The following IRAK3 variants were observed in gnomAD, a reference collection of about 807,000 sequenced individuals.
The protein encoded by IRAK3 is interleukin 1 receptor associated kinase 3.
IRAK3 carries 57 observed loss-of-function variants against 56.6 expected under a neutral mutation model. The observed-to-expected ratio is 1.01, with a 90% CI of 0.81 to 1.26. IRAK3 has a LOEUF of 1.26. Among genes scored for constraint, IRAK3 ranks in the 50% most tolerant of loss-of-function variants. IRAK3 has a pLI of 0.00. For synonymous variants in IRAK3, 258 were observed against 255.7 expected, an observed-to-expected ratio of 1.01 and a Z score of -0.09; for missense variants, 703 against 719.0, an observed-to-expected ratio of 0.98 and a Z score of 0.25.
rs1397844062 is a variant in IRAK3, at chr12:66,203,898, A to T, written c.316+5A>T. On this transcript the variant is annotated splice_donor_5th_base_variant and intron_variant, in intron 2 of 11. Coordinates refer to ENST00000261233, the MANE Select transcript of IRAK3 (RefSeq NM_007199.3). ...TTCATTTAATTACAAACTATGGTAAATGCTGATTCTTATAATGTGGCTCTT... is the reference window on the plus strand; with the variant it reads ...TTCATTTAATTACAAACTATGGTAATTGCTGATTCTTATAATGTGGCTCTT... 1.2e-6 allele frequency: 2 copies of T among 1,610,492 alleles called. No homozygotes were observed. The highest frequency in any genetic ancestry group is 2.2e-5 in the East Asian group (1 of 44,862).
intron 2 of IRAK3, among the ~76,000 whole-genome samples, chr12:66,205,716 T>C (rs1382368533): frequency 6.6e-6 from 1 of 152,200 alleles, no homozygotes; most frequent in Non-Finnish European, 1.5e-5. Context: ...TCCTTGCAAT[T>C]TTATTCTGTT....
intron 2 of IRAK3, among the ~76,000 whole-genome samples, 195 bp from the exon 3 acceptor site, chr12:66,209,261 G>C (rs1441135512): frequency 6.6e-6 from 1 of 152,006 alleles, no homozygotes; most frequent in Non-Finnish European, 1.5e-5. Flanking sequence ...TATAACATTT[G>C]TTAATTAGAA....
At chr12:66,200,492 A>G (rs1565799051) in intron 1 of IRAK3, among the ~76,000 whole-genome samples, 1 of 152,146 alleles carries the variant, frequency 6.6e-6, no homozygotes, top group African/African-American at 2.4e-5. Context: ...ATCCTCTATG[A>G]TGGGATAGAG....
intron 8 of IRAK3, among the ~76,000 whole-genome samples, chr12:66,237,694 T>C (rs909204677): frequency 2.0e-5 from 3 of 152,188 alleles, no homozygotes; most frequent in Non-Finnish European, 2.9e-5. Context: ...AAGTCAGTGT[T>C]GTCTCATGTT....
At chr12:66,216,186 T>G (rs1457844825) in intron 5 of IRAK3, among the ~76,000 whole-genome samples, 2 of 152,170 alleles carry the variant, frequency 1.3e-5, no homozygotes, top group Non-Finnish European at 2.9e-5. Context: ...ACTGGAAAAC[T>G]ATGGCCTTAG....
At chr12:66,204,029 A>T in intron 2 of IRAK3, 136 bp downstream of exon 2, 1 of 757,830 alleles carries the variant, frequency 1.3e-6, no homozygotes, top group South Asian at 1.6e-5. Context: ...TTTTATCTGG[A>T]AGGGACTTTC....
chr12:66,244,810 T>C, intron 9 of IRAK3, 126 bp downstream of exon 9: 1 of 1,064,800 alleles, frequency 9.4e-7, no homozygotes, highest in Non-Finnish European at 1.4e-6. Context: ...TATATATTAA[T>C]TTTGTGTAAT....
intron 8 of IRAK3, among the ~76,000 whole-genome samples, chr12:66,228,657 G>C (rs2052813479): frequency 7.0e-6 from 1 of 143,760 alleles, no homozygotes; most frequent in African/African-American, 2.5e-5. Flanking sequence ...CCCAATTTAT[G>C]ATGATTCAAC....
chr12:66,207,288 C>T (rs892557094), intron 2 of IRAK3, among the ~76,000 whole-genome samples: 13 of 152,130 alleles, frequency 8.5e-5, no homozygotes, highest in South Asian at 4.1e-4. Flanking sequence ...CTGGGCAAAA[C>T]GGTGAAACCC....
chr12:66,194,815 C>A (rs1172707009), intron 1 of IRAK3, among the ~76,000 whole-genome samples: 1 of 129,360 alleles, frequency 7.7e-6, no homozygotes, highest in Non-Finnish European at 1.6e-5. Context: ...GGCGACAGAG[C>A]GAGACTCCTC....
At chr12:66,219,426 C>A (rs1165986456) in intron 6 of IRAK3, among the ~76,000 whole-genome samples, 1 of 152,172 alleles carries the variant, frequency 6.6e-6, no homozygotes, top group Non-Finnish European at 1.5e-5. Context: ...TTTTGTCTGC[C>A]GCCATGTGAG....
At chr12:66,240,652 A>C (rs1028673148) in intron 8 of IRAK3, among the ~76,000 whole-genome samples, 62 of 151,854 alleles carry the variant, frequency 4.1e-4, no homozygotes, top group Admixed American at 1.7e-3. Context: ...CTGTTGCCTC[A>C]GGCTGTCCCA....
intron 8 of IRAK3, chr12:66,235,239 G>C: frequency 6.2e-7 from 1 of 1,602,154 alleles, no homozygotes; most frequent in Non-Finnish European, 8.5e-7. Flanking sequence ...TAGGGCGTCC[G>C]GCAGTTGCTG....
In IRAK3 at chr12:66,195,704, G is replaced by A. The variant is rs182561681; in HGVS notation, c.133+6272G>A. 4.9e-4 allele frequency among the ~76,000 whole-genome samples: 74 copies of A among 152,202 alleles called. No homozygotes were observed. In the East Asian group the frequency reaches 7.7e-3, roughly 16 times the overall value. ...GACGGAGTTTCGCTTTTGTTGCACAGCCTGGAGTGCAATGGTGCAATCTTG... is the reference window on the plus strand; with the variant it reads ...GACGGAGTTTCGCTTTTGTTGCACAACCTGGAGTGCAATGGTGCAATCTTG... On this transcript the variant is annotated intron_variant, in intron 1 of 11. Transcript: ENST00000261233.
At chr12:66,210,327 A>G in intron 4 of IRAK3, 126 bp downstream of exon 4, 1 of 648,252 alleles carries the variant, frequency 1.5e-6, no homozygotes, top group Non-Finnish European at 2.8e-6. Context: ...ATAAAATTTC[A>G]TAGATATTAA....
intron 11 of IRAK3, among the ~76,000 whole-genome samples, chr12:66,246,476 C>T (rs1028155371): frequency 3.9e-5 from 6 of 152,336 alleles, no homozygotes; most frequent in African/African-American, 1.4e-4. Flanking sequence ...ATAAACAGCA[C>T]TGGCCTTCGA....
rs977507471 is a variant in IRAK3 at position 66,250,016 on chromosome 12, T to C, written c.*1845T>C. 1 of 152,236 alleles carries C rather than the reference T, an allele frequency of 6.6e-6. No homozygotes were observed. Among genetic ancestry groups the C allele is most frequent in the Non-Finnish European group, 1.5e-5 (1 of 68,044 alleles). 9.4% of individuals were successfully genotyped at this position (152,236 alleles called of 1,614,324 possible). On this transcript the variant is annotated 3_prime_UTR_variant, in exon 12 of 12. Coordinates refer to ENST00000261233, the MANE Select transcript of IRAK3 (RefSeq NM_007199.3). Reference sequence around the variant, plus strand: ...TAAGGGCCATCTCTTCAGAGCCTAATGTGTCATCCTACACAGAGCAGGTGT... The same window carrying C: ...TAAGGGCCATCTCTTCAGAGCCTAACGTGTCATCCTACACAGAGCAGGTGT...
At chr12:66,211,337 T>A in intron 4 of IRAK3, 109 bp from the exon 5 acceptor site, 1 of 787,742 alleles carries the variant, frequency 1.3e-6, no homozygotes, top group East Asian at 2.6e-5. Flanking sequence ...TGGGCCTTTC[T>A]CTACTAACCT....
chr12:66,234,818 T>C (rs894183288), intron 8 of IRAK3: 7 of 1,602,540 alleles, frequency 4.4e-6, no homozygotes, highest in Non-Finnish European at 6.0e-6. Context: ...TTTGAGCATA[T>C]TTTCTAGTTC....
Sources: gnomAD v4.1 joint callset for allele counts (sites outside exome capture counted in the v4.1 genomes callset) on GRCh38, gnomAD v4.1.1 for gene constraint, MANE v1.5 for transcripts, NCBI Gene and HGNC (gene_info 2026-07-23, HGNC 2026-07-21) for gene names.